Variants in CMTM4 observed in about 807,000 individuals in gnomAD.
CMTM4 encodes CKLF-like MARVEL transmembrane domain-containing protein 4.
CMTM4 carries 8 observed loss-of-function variants against 19.0 expected under a neutral mutation model. That is an observed-to-expected ratio of 0.42 (90% CI 0.25 to 0.76). The LOEUF (loss-of-function observed/expected upper bound fraction) is 0.76. CMTM4 is among the 30% of genes least tolerant of loss of function. The pLI, the probability that CMTM4 is intolerant of heterozygous loss-of-function variation, is 0.27. For synonymous variants in CMTM4, 106 were observed against 121.1 expected, an observed-to-expected ratio of 0.88 and a Z score of 0.82; for missense variants, 228 against 290.2, an observed-to-expected ratio of 0.79 and a Z score of 1.56.
At chr16:66,612,495 A>G, downstream of CMTM4, 4 of 1,047,200 alleles carry the variant, frequency 3.8e-6, no homozygotes, top group Non-Finnish European at 5.7e-6. The surrounding 1 kb of genome is among the most constrained non-coding windows in gnomAD (Gnocchi z 6.0). Context: ...AGTCAGCTGC[A>G]GGAGGCCTGC....
chr16:66,613,380 G>T, downstream of CMTM4: 1 of 459,074 alleles, frequency 2.2e-6, no homozygotes, highest in Non-Finnish European at 3.9e-6. Flanking sequence ...GTGTCATGGG[G>T]AGCTGGGCGG....
intron 1 of CMTM4, among the ~76,000 whole-genome samples, chr16:66,650,670 C>A (rs2016293275): frequency 1.3e-5 from 2 of 152,182 alleles, no homozygotes; most frequent in Admixed American, 6.5e-5. Context: ...TTACTTAATA[C>A]ATGGATGTTA....
chr16:66,623,536 G>T, intron 2 of CMTM4, 34 bp from the exon 3 acceptor site: 3 of 1,478,250 alleles, frequency 2.0e-6, no homozygotes, highest in Non-Finnish European at 2.8e-6. Context: ...CAAGTGAAAA[G>T]AACCATTCCA....
chr16:66,666,197 A>C (rs1416932540), intron 1 of CMTM4, among the ~76,000 whole-genome samples: 1 of 152,210 alleles, frequency 6.6e-6, no homozygotes, highest in African/African-American at 2.4e-5. Context: ...TCACGCCTGT[A>C]ATCCCAGCAC....
chr16:66,678,889 G>A (rs1298068150), intron 1 of CMTM4, among the ~76,000 whole-genome samples: 1 of 152,078 alleles, frequency 6.6e-6, no homozygotes, highest in Non-Finnish European at 1.5e-5. Flanking sequence ...GATCACTTGA[G>A]TCCAGGAGTT....
At chr16:66,649,850 T>C (rs1353057818) in intron 1 of CMTM4, among the ~76,000 whole-genome samples, 1 of 152,160 alleles carries the variant, frequency 6.6e-6, no homozygotes, top group Non-Finnish European at 1.5e-5. Flanking sequence ...ATCACAGACA[T>C]GTATAAGAAA....
At chr16:66,608,370 C>T in the CMTM4 span, 3 of 1,614,084 alleles carry the variant, frequency 1.9e-6, no homozygotes, top group Non-Finnish European at 2.5e-6. The surrounding 1 kb of genome is among the most constrained non-coding windows in gnomAD (Gnocchi z 5.1). Context: ...TTCCTCACAG[C>T]GCCTCTGCTG....
chr16:66,669,466 T>G (rs1248153210), intron 1 of CMTM4, among the ~76,000 whole-genome samples: 1 of 144,608 alleles, frequency 6.9e-6, no homozygotes, highest in Non-Finnish European at 1.5e-5. Flanking sequence ...TACATGTTAA[T>G]TAAAAAAAAA....
intron 2 of CMTM4, among the ~76,000 whole-genome samples, chr16:66,635,610 T>A (rs924884643): frequency 5.9e-5 from 9 of 152,212 alleles, no homozygotes; most frequent in African/African-American, 2.2e-4. Context: ...CTCCTCCTGC[T>A]TCCCCCTCAG....
the CMTM4 span, chr16:66,609,596 C>A: frequency 6.5e-7 from 1 of 1,526,816 alleles, no homozygotes; most frequent in Non-Finnish European, 8.9e-7. This position sits in a 1 kb window ranked among gnomAD's most constrained non-coding sequence, Gnocchi z 4.4. Context: ...TAGGGTGGGA[C>A]CTGGGGCAGA....
the CMTM4 span, among the ~76,000 whole-genome samples, chr16:66,602,778 C>T: frequency 0.034 from 5,245 of 152,184 alleles, 200 homozygotes; most frequent in East Asian, 0.11. Context: ...AACTCCTGAC[C>T]TCAGGTGATC....
chr16:66,605,170 C>T, the CMTM4 span: 3 of 430,452 alleles, frequency 7.0e-6, no homozygotes, highest in East Asian at 1.2e-4. This position sits in a 1 kb window ranked among gnomAD's most constrained non-coding sequence, Gnocchi z 4.6. Flanking sequence ...CCATCCGCGG[C>T]GCTGTCCCCG....
At chr16:66,610,037 G>T, downstream of CMTM4, 1 of 1,609,424 alleles carries the variant, frequency 6.2e-7, no homozygotes, top group Non-Finnish European at 8.5e-7. This position sits in a 1 kb window ranked among gnomAD's most constrained non-coding sequence, Gnocchi z 4.6. Context: ...CAGCAGTGCT[G>T]CAACAGGGGC....
At chr16:66,624,415 T>C (rs1226294005) in intron 2 of CMTM4, among the ~76,000 whole-genome samples, 1 of 152,248 alleles carries the variant, frequency 6.6e-6, no homozygotes, top group Non-Finnish European at 1.5e-5. Context: ...GATTACACTA[T>C]CCACACCTGA....
At chr16:66,635,170 C>T (rs899703846) in intron 2 of CMTM4, among the ~76,000 whole-genome samples, 1 of 152,172 alleles carries the variant, frequency 6.6e-6, no homozygotes, top group African/African-American at 2.4e-5. Context: ...TTATGGATAA[C>T]ATAAACCTCA....
the CMTM4 span, chr16:66,608,561 T>C: frequency 1.3e-5 from 16 of 1,261,402 alleles, no homozygotes; most frequent in Non-Finnish European, 1.8e-5. The surrounding 1 kb of genome is among the most constrained non-coding windows in gnomAD (Gnocchi z 5.1). Flanking sequence ...CTTTCTCTAG[T>C]GTGCTGGAGT....
intron 1 of CMTM4, among the ~76,000 whole-genome samples, chr16:66,656,652 GAA>G (rs147497033): frequency 7.4e-6 from 1 of 135,378 alleles, no homozygotes; most frequent in Non-Finnish European, 1.6e-5. Context: ...TAACTACATA[GAA>G]AAAAAAAAAA....
At chr16:66,632,139 G>C (rs2015884348) in intron 2 of CMTM4, among the ~76,000 whole-genome samples, 1 of 152,128 alleles carries the variant, frequency 6.6e-6, no homozygotes, top group African/African-American at 2.4e-5. Context: ...AAGAAAAACA[G>C]GACAGTGTGG....
At chr16:66,609,275 G>A in the CMTM4 span, 15,415 of 624,922 alleles carry the variant, frequency 0.025, 231 homozygotes, top group Non-Finnish European at 0.031. This position sits in a 1 kb window ranked among gnomAD's most constrained non-coding sequence, Gnocchi z 4.4. Flanking sequence ...GAGGCACCTC[G>A]GGGGTGGGAC....
Sources: gnomAD v4.1 joint callset for allele counts (sites outside exome capture counted in the v4.1 genomes callset) on GRCh38, gnomAD v4.1.1 for gene constraint, Gnocchi (gnomAD v3.1) non-coding constraint, MANE v1.5 for transcripts, NCBI Gene and HGNC (gene_info 2026-07-23, HGNC 2026-07-21) for gene names.